The following MFHAS1 variants were observed in gnomAD, a reference collection of about 807,000 sequenced individuals.
The protein encoded by MFHAS1 is multifunctional ROCO family signaling regulator 1.
In MFHAS1, 50 loss-of-function variants were observed where a neutral mutation model predicts 70.4. The observed-to-expected ratio is 0.71, with a 90% confidence interval of 0.57 to 0.90. MFHAS1 has a LOEUF of 0.90. Ranked by LOEUF, MFHAS1 falls within the 40% of genes least tolerant of loss-of-function variation. The pLI is 0.00. For synonymous variants in MFHAS1, 952 were observed against 620.0 expected (o/e 1.54, Z -7.96); for missense variants, 1,795 against 1,347.6 (o/e 1.33, Z -5.20).
chr8:8,892,768 G>C lies in MFHAS1; in HGVS notation c.291C>G (p.Asn97Lys), dbSNP rs758453977. Reference protein sequence around the residue: ...GSLRVLVLRRNRFARLPPAVA... With the variant: ...GSLRVLVLRRKRFARLPPAVA... ...CCGCCGGGGGCAGCCGGGCGAAGCG[G>C]TTCCTGCGCAGGACCAGGACGCGCA... The change falls in exon 1 of 3, where the codon AAC becomes AAG. Residue 97 changes from asparagine (N) to lysine (K), a missense_variant. By Grantham distance (94) the Asn-to-Lys change is moderately conservative. Transcript: ENST00000276282. This position sits in a 1 kb window ranked among gnomAD's most constrained non-coding sequence, Gnocchi z 4.7. 6.3e-7 allele frequency: 1 copy of C among 1,582,342 alleles called. No individual in the cohort carries two copies. The highest frequency in any genetic ancestry group is 1.3e-5 in the African/African-American group (1 of 74,352).
chr8:8,890,694 C>T lies in MFHAS1; in HGVS notation c.2365G>A (p.Val789Met), dbSNP rs896090504. ...AGCCCATGCAACAGAAAGCCCTCCACATACTGATGGAGCTGGGTGGCCCGG... is the reference window on the plus strand; with the variant it reads ...AGCCCATGCAACAGAAAGCCCTCCATATACTGATGGAGCTGGGTGGCCCGG... Reference protein sequence around the residue: ...LLRATQLHQYVEGFLLHGLLP... With the variant: ...LLRATQLHQYMEGFLLHGLLP... The change falls in exon 1 of 3, where the codon GTG becomes ATG. Residue 789 changes from valine to methionine, a missense_variant. By Grantham distance (21) the Val-to-Met change is conservative. Transcript: ENST00000276282. 1.9e-6 allele frequency: 3 copies of T among 1,613,542 alleles called. No individual in the cohort carries two copies. In the African/African-American group the frequency reaches 4.0e-5, roughly 22 times the overall value.
At chr8:8,794,202 A>G (rs2117251764) in intron 2 of MFHAS1, among the ~76,000 whole-genome samples, 1 of 152,150 alleles carries the variant, frequency 6.6e-6, no homozygotes, top group Non-Finnish European at 1.5e-5. Context: ...AAAAGAAAAA[A>G]AAAAGCCTGA....
intron 2 of MFHAS1, among the ~76,000 whole-genome samples, chr8:8,790,614 G>T (rs756565120): frequency 6.6e-6 from 1 of 152,174 alleles, no homozygotes; most frequent in Non-Finnish European, 1.5e-5. Context: ...ACCTCCACAT[G>T]TGGCCTTTTC....
chr8:8,842,789 G>A (rs1341147902), intron 1 of MFHAS1, among the ~76,000 whole-genome samples: 1 of 152,174 alleles, frequency 6.6e-6, no homozygotes, highest in East Asian at 1.9e-4. Context: ...GCACCATCAT[G>A]AGAAATCCCA....
At chr8:8,806,135 T>A (rs1243687908) in intron 1 of MFHAS1, among the ~76,000 whole-genome samples, 1 of 152,206 alleles carries the variant, frequency 6.6e-6, no homozygotes, top group Non-Finnish European at 1.5e-5. Flanking sequence ...CTGTTTCTAA[T>A]ACCTGCAACA....
chr8:8,843,315 G>C (rs968061813), intron 1 of MFHAS1, among the ~76,000 whole-genome samples: 1 of 151,548 alleles, frequency 6.6e-6, no homozygotes, highest in Non-Finnish European at 1.5e-5. Context: ...CAGGTGCTGT[G>C]ACTCACACCT....
chr8:8,837,202 G>A (rs1276198368), intron 1 of MFHAS1, among the ~76,000 whole-genome samples: 3 of 152,142 alleles, frequency 2.0e-5, no homozygotes, highest in African/African-American at 4.8e-5. Context: ...ATGTTCTGCT[G>A]AGTTGAGCAA....
intron 1 of MFHAS1, among the ~76,000 whole-genome samples, chr8:8,845,361 A>G (rs1284213837): frequency 6.6e-6 from 1 of 152,218 alleles, no homozygotes; most frequent in African/African-American, 2.4e-5. Flanking sequence ...GCAGCAGAAA[A>G]TCATATTCCT....
intron 1 of MFHAS1, among the ~76,000 whole-genome samples, chr8:8,836,145 G>A (rs9650615): frequency 0.028 from 4,277 of 152,308 alleles, 80 homozygotes; most frequent in Non-Finnish European, 0.038. Context: ...CCTCAGTGAT[G>A]TTATTTCTTT....
chr8:8,807,352 G>C lies in MFHAS1; in HGVS notation c.2999-9861C>G, dbSNP rs147414095. ...CTCTCAGGCCCATTCAGATTCCAAA[G>C]AGAATCACTTACAATTTCATTTCGG... On this transcript the variant is annotated intron_variant, in intron 1 of 2. Transcript: ENST00000276282. Among the ~76,000 whole-genome samples the C allele has an allele frequency of 5.9e-3, 892 of 152,098 alleles. 12 individuals carry two copies. Among genetic ancestry groups the C allele is most frequent in the African/African-American group, 0.021 (857 of 41,478 alleles).
At position 8,893,150 on chromosome 8, in the gene MFHAS1, C is replaced by A; in HGVS notation, c.-92G>T. The A allele has an allele frequency of 1.2e-6, 1 of 852,402 alleles. No individual in the cohort carries two copies. The highest frequency in any genetic ancestry group is 1.6e-6 in the Non-Finnish European group (1 of 643,874). 52.8% of individuals were successfully genotyped at this position (852,402 alleles called of 1,614,324 possible). A position where few individuals can be genotyped will look rare whatever the true frequency, so the allele number is the denominator to read the frequency against. On this transcript the variant is annotated 5_prime_UTR_variant, in exon 1 of 3. Transcript: ENST00000276282. ...CCGGGCCCTCCGGCTCCTGCCCCTG[C>A]CTGCCCTCCCGCGCTCGGCGGCCGG... is the stretch of plus-strand genomic sequence containing the variant.
intron 1 of MFHAS1, among the ~76,000 whole-genome samples, chr8:8,880,691 T>C (rs1175629888): frequency 6.9e-6 from 1 of 144,992 alleles, no homozygotes; most frequent in Non-Finnish European, 1.5e-5. Context: ...TTTGTTTTTT[T>C]TTTTTTTCCC....
At chr8:8,876,478 T>C (rs1011045306) in intron 1 of MFHAS1, among the ~76,000 whole-genome samples, 5 of 152,090 alleles carry the variant, frequency 3.3e-5, no homozygotes, top group Non-Finnish European at 5.9e-5. Context: ...CACATGCCTA[T>C]AATCCCAGCA....
intron 2 of MFHAS1, 137 bp downstream of exon 2, chr8:8,797,228 T>C: frequency 2.3e-6 from 2 of 869,974 alleles, no homozygotes. Flanking sequence ...GCTGATGTCA[T>C]CCAGAAGAAT....
chr8:8,832,798 T>G (rs543631926), intron 1 of MFHAS1, among the ~76,000 whole-genome samples: 23 of 152,130 alleles, frequency 1.5e-4, no homozygotes, highest in African/African-American at 5.5e-4. Context: ...CATGCTAAGT[T>G]TTCACTTTTA....
At position 8,839,191 on chromosome 8, in the gene MFHAS1, A is replaced by C. The variant is rs368219138; in HGVS notation, c.2999-41700T>G. On this transcript the variant is annotated intron_variant, in intron 1 of 2. Transcript: ENST00000276282. ...ACCTGGGGAAGAGAGAATTAAAAAA[A>C]AAATAAGGACTATAAAAGACTTGCT... Among the ~76,000 whole-genome samples the C allele has an allele frequency of 1.3e-3, 192 of 152,316 alleles. 2 individuals are homozygous for C. The highest frequency in any genetic ancestry group is 4.4e-3 in the African/African-American group (184 of 41,574).
At chr8:8,810,982 C>G (rs980226011) in intron 1 of MFHAS1, among the ~76,000 whole-genome samples, 7 of 152,102 alleles carry the variant, frequency 4.6e-5, no homozygotes, top group African/African-American at 1.7e-4. Flanking sequence ...TGCAATCGGA[C>G]CCACAGCACC....
Position 8,890,141 on chromosome 8 carries a change from C to T in MFHAS1, c.2918G>A (p.Trp973Ter). 6.2e-7 allele frequency: 1 copy of T among 1,614,176 alleles called. No individual in the cohort carries two copies. The highest frequency in any genetic ancestry group is 8.5e-7 in the Non-Finnish European group (1 of 1,180,034). ...VEELNVLLQE[W>*]PGLHYTVHIL... is the part of the protein sequence containing the mutation. Reference sequence around the variant, plus strand: ...GTGCACGGTGTAGTGCAGTCCAGGCCATTCCTGAAGTAGGACATTCAGTTC... The same window carrying T: ...GTGCACGGTGTAGTGCAGTCCAGGCTATTCCTGAAGTAGGACATTCAGTTC... The change falls in exon 1 of 3, where the codon TGG becomes TAG. Residue 973 changes from tryptophan (W) to a stop codon, truncating the protein, a stop_gained. Coordinates refer to ENST00000276282, the MANE Select transcript of MFHAS1 (RefSeq NM_004225.3). LOFTEE classifies it high-confidence loss of function.
intron 1 of MFHAS1, among the ~76,000 whole-genome samples, chr8:8,832,819 G>C (rs752946230): frequency 1.3e-5 from 2 of 151,584 alleles, no homozygotes; most frequent in African/African-American, 4.9e-5. Context: ...ATTTTTTGTC[G>C]AGGCGAGGTC....
Sources: allele counts gnomAD v4.1 joint callset (sites outside exome capture counted in the v4.1 genomes callset), GRCh38; gene constraint gnomAD v4.1.1; non-coding constraint Gnocchi (gnomAD v3.1); transcripts MANE v1.5; gene names NCBI Gene and HGNC (gene_info 2026-07-23, HGNC 2026-07-21).